CUX1: variants seen among roughly 807,000 people sequenced by gnomAD.
CUX1 encodes protein CASP.
In CUX1, 31 loss-of-function variants were observed where a neutral mutation model predicts 158.8. That is an observed-to-expected ratio of 0.20 (90% CI 0.15 to 0.26). The LOEUF (loss-of-function observed/expected upper bound fraction) is 0.26. CUX1 is among the 10% of genes least tolerant of loss of function. The pLI is 1.00. For synonymous variants in CUX1, 879 were observed against 862.1 expected, an observed-to-expected ratio of 1.02 and a Z score of -0.34; for missense variants, 1,589 against 2,014.6, an observed-to-expected ratio of 0.79 and a Z score of 4.04.
rs55733311 is a variant in CUX1 at position 101,959,238 on chromosome 7, A to AGTGTGT, written c.141+43045_141+43050dup. Among the ~76,000 whole-genome samples the AGTGTGT allele has an allele frequency of 3.4e-3, 497 of 145,816 alleles. 2 individuals carry two copies. The highest frequency in any genetic ancestry group is 8.4e-3 in the East Asian group (41 of 4,860). On this transcript the variant is annotated intron_variant, in intron 2 of 23. Coordinates refer to ENST00000292535, the MANE Select transcript of CUX1 (RefSeq NM_181552.4). ...TCCTTACCTAGCTCTATGTGTGTGCAGTGTGTGTGTGTGTGTGTGTGTGTG... is the reference window on the plus strand; with the variant it reads ...TCCTTACCTAGCTCTATGTGTGTGCAGTGTGTGTGTGTGTGTGTGTGTGTGTGTGTG...
At chr7:102,271,946 T>A (rs963630597) in intron 14 of CUX1, among the ~76,000 whole-genome samples, 1 of 152,162 alleles carries the variant, frequency 6.6e-6, no homozygotes, top group Non-Finnish European at 1.5e-5. Flanking sequence ...TGCTTGAACC[T>A]TGGAGGCGGA....
At chr7:101,954,595 G>A (rs1563056319) in intron 2 of CUX1, among the ~76,000 whole-genome samples, 2 of 152,086 alleles carry the variant, frequency 1.3e-5, no homozygotes, top group Admixed American at 6.5e-5. Context: ...GATCACTTGA[G>A]TGCAGGAGTT....
At chr7:102,193,650 C>T (rs998079154) in intron 12 of CUX1, among the ~76,000 whole-genome samples, 192 bp from the exon 13 acceptor site, 1 of 152,094 alleles carries the variant, frequency 6.6e-6, no homozygotes, top group African/African-American at 2.4e-5. Flanking sequence ...ACTAGAAATA[C>T]AAAAATTAGC....
chr7:102,274,168 C>A, intron 15 of CUX1: 1 of 1,446,928 alleles, frequency 6.9e-7, no homozygotes. Context: ...CTGCCATTTG[C>A]CTTGGCCATG....
At chr7:101,824,879 C>T (rs941122127) in intron 1 of CUX1, 6 of 152,344 alleles carry the variant, frequency 3.9e-5, no homozygotes, top group East Asian at 1.9e-4. Flanking sequence ...AAAAGACTTT[C>T]GTTCTCCCTC....
intron 11 of CUX1, among the ~76,000 whole-genome samples, chr7:102,189,488 C>T (rs1391524923): frequency 2.6e-5 from 4 of 151,704 alleles, no homozygotes; most frequent in African/African-American, 4.8e-5. Flanking sequence ...CTCCAACTCC[C>T]GGGCTCAGGC....
At chr7:101,924,650 C>T (rs143571079) in intron 2 of CUX1, among the ~76,000 whole-genome samples, 3,509 of 152,052 alleles carry the variant, frequency 0.023, 57 homozygotes, top group Middle Eastern at 0.051. Flanking sequence ...ACTGCAGCCT[C>T]AACCTCCCAG....
chr7:101,941,838 T>C (rs541638630), intron 2 of CUX1, among the ~76,000 whole-genome samples: 1 of 152,358 alleles, frequency 6.6e-6, no homozygotes, highest in Admixed American at 6.5e-5. Context: ...TTTGCATTGC[T>C]AAATTCCAGC....
At chr7:101,900,217 C>G (rs4729760) in intron 1 of CUX1, among the ~76,000 whole-genome samples, 1 of 152,016 alleles carries the variant, frequency 6.6e-6, no homozygotes, top group African/African-American at 2.4e-5. Flanking sequence ...TGAGGATTGA[C>G]GCGGCCCCTT....
chr7:101,898,765 A>G (rs1055905855), intron 1 of CUX1, among the ~76,000 whole-genome samples: 3 of 151,736 alleles, frequency 2.0e-5, no homozygotes, highest in Admixed American at 6.6e-5. Context: ...TAATATTTAT[A>G]TTTTTAGTAG....
At chr7:102,010,605 G>A (rs1422759341) in intron 2 of CUX1, among the ~76,000 whole-genome samples, 5 of 152,098 alleles carry the variant, frequency 3.3e-5, no homozygotes, top group African/African-American at 7.2e-5. Context: ...TCTGTTACTC[G>A]TTTGTATGTG....
chr7:101,843,082 G>A (rs1464286509), intron 1 of CUX1, among the ~76,000 whole-genome samples: 3 of 151,220 alleles, frequency 2.0e-5, no homozygotes, highest in African/African-American at 7.3e-5. Context: ...TAGCCAGGAT[G>A]GTCTCGATCT....
intron 20 of CUX1, among the ~76,000 whole-genome samples, chr7:102,209,949 C>T (rs1340057281): frequency 1.3e-5 from 2 of 152,162 alleles, no homozygotes; most frequent in South Asian, 2.1e-4. Flanking sequence ...TGCAGTGACA[C>T]AATCACAGCT....
intron 1 of CUX1, among the ~76,000 whole-genome samples, chr7:101,871,261 A>G (rs991095385): frequency 7.2e-5 from 11 of 152,014 alleles, no homozygotes; most frequent in Non-Finnish European, 1.6e-4. Context: ...TTGGTCCTGT[A>G]GTGAGGACTA....
chr7:101,955,299 G>T (rs915290356), intron 2 of CUX1, among the ~76,000 whole-genome samples: 1 of 152,176 alleles, frequency 6.6e-6, no homozygotes, highest in Non-Finnish European at 1.5e-5. Context: ...CAAGAAAAAG[G>T]CATTTCTTGC....
chr7:102,128,257 C>A (rs907371470), intron 8 of CUX1, among the ~76,000 whole-genome samples: 3 of 152,210 alleles, frequency 2.0e-5, no homozygotes, highest in Admixed American at 1.3e-4. Flanking sequence ...TAGACTGCTG[C>A]TCCATGACGT....
At chr7:102,282,609 G>A (rs143391433) in intron 21 of CUX1, 5 of 1,241,750 alleles carry the variant, frequency 4.0e-6, no homozygotes, top group Non-Finnish European at 5.7e-6. Flanking sequence ...GGAGTCTGGG[G>A]CTCGAGAACC....
intron 1 of CUX1, among the ~76,000 whole-genome samples, chr7:101,850,881 C>T (rs77374217): frequency 0.01 from 1,581 of 152,218 alleles, 30 homozygotes; most frequent in African/African-American, 0.036. Flanking sequence ...AAAGGATCAC[C>T]GGAGGCCAGG....
intron 2 of CUX1, among the ~76,000 whole-genome samples, chr7:101,964,949 T>G (rs528339199): frequency 6.6e-6 from 1 of 152,330 alleles, no homozygotes; most frequent in East Asian, 1.9e-4. Flanking sequence ...ATGAGACTTT[T>G]CTCTTTCCAA....
Sources: allele counts gnomAD v4.1 joint callset (sites outside exome capture counted in the v4.1 genomes callset), GRCh38; gene constraint gnomAD v4.1.1; transcripts MANE v1.5; gene names NCBI Gene and HGNC (gene_info 2026-07-23, HGNC 2026-07-21).